Variants in GALNT17 observed in about 807,000 individuals in gnomAD.
GALNT17 encodes the protein UDP-GalNAc:polypeptide N-acetylgalactosaminyltransferase-like 3.
In GALNT17, 29 loss-of-function variants were observed where a neutral mutation model predicts 63.7. That is an observed-to-expected ratio of 0.46 (90% confidence interval 0.34 to 0.62). The LOEUF is 0.62. Among genes scored for constraint, GALNT17 ranks in the 20% least tolerant of loss-of-function variants. GALNT17 has a pLI of 0.01. For synonymous variants in GALNT17, 305 were observed against 318.3 expected, an observed-to-expected ratio of 0.96 and a Z score of 0.45; for missense variants, 603 against 799.6, an observed-to-expected ratio of 0.75 and a Z score of 2.97.
At chr7:71,675,976 G>A (rs1423847202) in intron 8 of GALNT17, among the ~76,000 whole-genome samples, 1 of 152,016 alleles carries the variant, frequency 6.6e-6, no homozygotes, top group East Asian at 1.9e-4. Context: ...CAACAAGAGC[G>A]AAACTCTGTC....
Position 71,665,609 on chromosome 7 carries a change from A to C in GALNT17, c.1266+13A>C. The C allele has an allele frequency of 3.1e-6, 5 of 1,611,288 alleles. No individual in the cohort carries two copies. Among genetic ancestry groups the C allele is most frequent in the Non-Finnish European group, 4.2e-6 (5 of 1,179,130 alleles). ...CCTGCCGCTGGAGGTAGGGATCACC[A>C]GCCTTTCCCCACCACCCCAGTACAG... On this transcript the variant is annotated intron_variant, in intron 7 of 10. Transcript: ENST00000333538.
At chr7:71,518,811 C>G (rs1157552432) in intron 5 of GALNT17, among the ~76,000 whole-genome samples, 1 of 152,146 alleles carries the variant, frequency 6.6e-6, no homozygotes, top group East Asian at 1.9e-4. Flanking sequence ...AGTAAATGGT[C>G]TCATGCCTAT....
rs1787895536 is a variant in GALNT17, at chr7:71,141,697, A to C, written c.238+8657A>C. 2.3e-5 allele frequency among the ~76,000 whole-genome samples: 3 copies of C among 129,678 alleles called. No homozygotes were observed. In the South Asian group the frequency reaches 6.8e-4, roughly 29 times the overall value. 85.1% of individuals were successfully genotyped at this position (129,678 alleles called of 152,430 possible). On this transcript the variant is annotated intron_variant, in intron 1 of 10. Transcript: ENST00000333538. ...TTTCTTTCTTTTTTTTTTTTTTTGA[A>C]ACAGAGTCTCGCTCTGTTACCCAGG... is the stretch of plus-strand genomic sequence containing the variant.
At chr7:71,648,972 G>A (rs1562722224) in intron 6 of GALNT17, among the ~76,000 whole-genome samples, 1 of 152,158 alleles carries the variant, frequency 6.6e-6, no homozygotes, top group Non-Finnish European at 1.5e-5. Flanking sequence ...AAGCCTTATG[G>A]GCCCCACATT....
intron 1 of GALNT17, among the ~76,000 whole-genome samples, chr7:71,148,890 A>ATATG (rs1554333283): frequency 1.1e-3 from 148 of 133,430 alleles, no homozygotes; most frequent in Non-Finnish European, 1.5e-3. Context: ...ATATATATAT[A>ATATG]TATGTATACC....
intron 1 of GALNT17, among the ~76,000 whole-genome samples, chr7:71,291,186 C>A (rs914228442): frequency 7.9e-5 from 12 of 152,290 alleles, no homozygotes; most frequent in African/African-American, 2.6e-4. Context: ...CCAATTTCCC[C>A]AACACCTTTT....
chr7:71,571,436 C>A, intron 6 of GALNT17, 34 bp downstream of exon 6: 1 of 1,569,766 alleles, frequency 6.4e-7, no homozygotes, highest in East Asian at 2.2e-5. Context: ...TCTTGGTGTG[C>A]CCATGTTTGT....
At chr7:71,267,905 C>A (rs186619311) in intron 1 of GALNT17, among the ~76,000 whole-genome samples, 1 of 151,728 alleles carries the variant, frequency 6.6e-6, no homozygotes, top group Admixed American at 6.6e-5. Flanking sequence ...TTTCCCCTCC[C>A]TGTGTCCATG....
intron 5 of GALNT17, among the ~76,000 whole-genome samples, chr7:71,529,096 C>T (rs1208498838): frequency 2.0e-5 from 3 of 152,112 alleles, no homozygotes; most frequent in East Asian, 3.9e-4. Flanking sequence ...GATCACACCA[C>T]TGCACTCCAG....
rs116634796 is a variant in GALNT17 at position 71,526,036 on chromosome 7, G to A, written c.963-45249G>A. 8.5e-3 allele frequency among the ~76,000 whole-genome samples: 1,298 copies of A among 152,088 alleles called. 25 individuals are homozygous for A. Among genetic ancestry groups the A allele is most frequent in the African/African-American group, 0.026 (1,097 of 41,490 alleles). On this transcript the variant is annotated intron_variant, in intron 5 of 10. Coordinates refer to ENST00000333538, the MANE Select transcript of GALNT17 (RefSeq NM_022479.3). ...ATTACAGGTGCCAGCCACCACGCCC[G>A]GCCTCGAGTATGTCGTTATCAGCAG...
At chr7:71,233,659 GGGTGCAT>G (rs1340649736) in intron 1 of GALNT17, among the ~76,000 whole-genome samples, 5 of 152,148 alleles carry the variant, frequency 3.3e-5, no homozygotes, top group Admixed American at 6.5e-5. Context: ...CTGGGATGGT[GGGTGCAT>G]CTCTACTGCC....
chr7:71,602,699 A>G (rs374608697), intron 6 of GALNT17, among the ~76,000 whole-genome samples: 5 of 152,094 alleles, frequency 3.3e-5, no homozygotes, highest in Non-Finnish European at 5.9e-5. Flanking sequence ...TTAATTGTAG[A>G]TTGTCAGAGG....
intron 7 of GALNT17, among the ~76,000 whole-genome samples, chr7:71,667,003 T>C (rs918009470): frequency 2.0e-5 from 3 of 152,238 alleles, no homozygotes; most frequent in Admixed American, 1.3e-4. Flanking sequence ...ACATGTGGCA[T>C]GCTGAGAGTA....
chr7:71,329,751 G>A (rs975542185), intron 1 of GALNT17, among the ~76,000 whole-genome samples: 2 of 151,874 alleles, frequency 1.3e-5, no homozygotes, highest in Admixed American at 6.6e-5. Flanking sequence ...AGGGAAATTC[G>A]ACCCCATGAT....
intron 1 of GALNT17, among the ~76,000 whole-genome samples, chr7:71,201,255 A>ATATATATATATATATATATATATC (rs1307446666): frequency 6.7e-6 from 1 of 149,548 alleles, no homozygotes; most frequent in African/African-American, 2.5e-5. Context: ...ATATATATAT[A>ATATATATATATATATATATATATC]TAATTTGTGT....
intron 6 of GALNT17, among the ~76,000 whole-genome samples, chr7:71,632,644 C>G (rs1268492498): frequency 6.6e-6 from 1 of 152,082 alleles, no homozygotes; most frequent in Non-Finnish European, 1.5e-5. Flanking sequence ...GAAAATACAA[C>G]CAGAATGTAG....
intron 1 of GALNT17, among the ~76,000 whole-genome samples, chr7:71,292,668 AGTGTGTGT>A (rs201057078): frequency 0.018 from 1,184 of 67,418 alleles, 15 homozygotes; most frequent in African/African-American, 0.05. Context: ...AGAGAGAGAG[AGTGTGTGT>A]GTGTGTGTGT....
At chr7:71,200,533 C>A (rs1055171200) in intron 1 of GALNT17, among the ~76,000 whole-genome samples, 10 of 152,158 alleles carry the variant, frequency 6.6e-5, no homozygotes, top group African/African-American at 2.4e-4. Context: ...CTTCATCCTG[C>A]AAAAGTGTTC....
chr7:71,361,808 CAGAG>C (rs373972800), intron 2 of GALNT17, among the ~76,000 whole-genome samples: 8 of 147,502 alleles, frequency 5.4e-5, no homozygotes, highest in African/African-American at 1.7e-4. Flanking sequence ...GAGAGAGAGA[CAGAG>C]AGAGAGAGAG....
Sources: allele counts gnomAD v4.1 joint callset (sites outside exome capture counted in the v4.1 genomes callset), GRCh38; gene constraint gnomAD v4.1.1; transcripts MANE v1.5; gene names NCBI Gene and HGNC (gene_info 2026-07-23, HGNC 2026-07-21).